Variants in PABIR2 observed in about 807,000 individuals in gnomAD.
PABIR2 encodes the protein PABIR family member 2, also known as family with sequence similarity 122B.
PABIR2 carries 7 observed loss-of-function variants against 22.8 expected under a neutral mutation model. That is an observed-to-expected ratio of 0.31 (90% CI 0.17 to 0.58). The LOEUF (loss-of-function observed/expected upper bound fraction) is 0.58. PABIR2 is among the 20% of genes least tolerant of loss of function. The probability of loss-of-function intolerance (pLI) is 0.89; values close to 1 mark genes in which losing one functional copy is unlikely to be tolerated. For missense variants in PABIR2, 155 were observed against 205.1 expected, an observed-to-expected ratio of 0.76 and a Z score of 1.49; for synonymous variants, 67 against 73.8, an observed-to-expected ratio of 0.91 and a Z score of 0.47.
chrX:134,791,750 G>A, intron 2 of PABIR2: 4 of 306,741 alleles, frequency 1.3e-5, no homozygotes, highest in South Asian at 8.8e-5. Flanking sequence ...TCTGCTCAAA[G>A]TAAAAAGTGG....
chrX:134,779,523 T>C (rs1294818448), intron 9 of PABIR2, among the ~76,000 whole-genome samples: 1 of 111,881 alleles, frequency 8.9e-6, no homozygotes, highest in Non-Finnish European at 1.9e-5. Context: ...AGGGGAGTAG[T>C]GACAAGGAAA....
Position 134,769,738 on chromosome X carries a change from T to C in PABIR2, c.*2401A>G, listed in dbSNP as rs1051532625. On this transcript the variant is annotated 3_prime_UTR_variant, in exon 10 of 10. Transcript: ENST00000343004. ...TAGGGTTGTATCATATCATCTCTTA[T>C]ACCTGTTTTCAAATAGAAGCCTGAA... 2.7e-5 allele frequency: 3 copies of C among 112,064 alleles called. No homozygotes were observed. The highest frequency in any genetic ancestry group is 6.5e-5 in the African/African-American group (2 of 30,777). 9.2% of individuals were successfully genotyped at this position (112,064 alleles called of 1,213,427 possible). A position where few individuals can be genotyped will look rare whatever the true frequency, so the allele number is the denominator to read the frequency against.
intron 9 of PABIR2, among the ~76,000 whole-genome samples, chrX:134,780,763 T>G (rs1210229890): frequency 8.9e-6 from 1 of 111,949 alleles, no homozygotes; most frequent in Non-Finnish European, 1.9e-5. Context: ...ACATGAGCAC[T>G]CAAGTGCTCA....
At position 134,769,592 on chromosome X, in the gene PABIR2, T is replaced by C. The variant is rs1043829634; in HGVS notation, c.*2547A>G. The C allele has an allele frequency of 8.9e-5, 10 of 112,052 alleles. No individual in the cohort carries two copies. Among genetic ancestry groups the C allele is most frequent in the Admixed American group, 3.8e-4 (4 of 10,519 alleles). 9.2% of individuals were successfully genotyped at this position (112,052 alleles called of 1,213,427 possible). On this transcript the variant is annotated 3_prime_UTR_variant, in exon 10 of 10. Transcript: ENST00000343004. ...AAATTTTATGCATGTATACACACTT[T>C]ATTAAATTTGCATTCTAAGATATAC... is the stretch of plus-strand genomic sequence containing the variant.
At position 134,772,018 on chromosome X, in the gene PABIR2, A is replaced by G; in HGVS notation, c.*121T>C. 9.5e-7 allele frequency: 1 copy of G among 1,051,769 alleles called. No individual in the cohort carries two copies. Among genetic ancestry groups the G allele is most frequent in the Non-Finnish European group, 1.2e-6 (1 of 813,765 alleles). 86.7% of individuals were successfully genotyped at this position (1,051,769 alleles called of 1,213,427 possible). The stretch of plus-strand genomic sequence containing the variant: ...AGAGATGCCAAAGAGTAATAATAGC[A>G]TCAGAATGTGTGAAATCTGTAAAAC... On this transcript the variant is annotated 3_prime_UTR_variant, in exon 10 of 10. Coordinates refer to ENST00000343004, the MANE Select transcript of PABIR2 (RefSeq NM_001387468.1).
chrX:134,778,103 G>A (rs1258418389), intron 9 of PABIR2, among the ~76,000 whole-genome samples: 6 of 103,591 alleles, frequency 5.8e-5, no homozygotes, highest in African/African-American at 2.1e-4. Context: ...ATGTTGTCCA[G>A]GCTGGTCTTG....
At chrX:134,774,874 C>T (rs772343784) in intron 9 of PABIR2, among the ~76,000 whole-genome samples, 10 of 112,020 alleles carry the variant, frequency 8.9e-5, no homozygotes, top group South Asian at 3.7e-4. Context: ...AGAGACTTCA[C>T]GTCACAAATC....
rs1400365468 is a variant in PABIR2 at position 134,796,864 on chromosome X, G to C, written c.-659C>G. ...GCTAGCACCGAGGACCTGACAGTCG[G>C]GTAGGACCCGGCCGGGCGGCCTTGG... On this transcript the variant is annotated 5_prime_UTR_variant, in exon 1 of 10. Coordinates refer to ENST00000343004, the MANE Select transcript of PABIR2 (RefSeq NM_001387468.1). 2.7e-5 allele frequency: 3 copies of C among 112,134 alleles called. No homozygotes were observed. Among genetic ancestry groups the C allele is most frequent in the Admixed American group, 1.9e-4 (2 of 10,791 alleles). 9.2% of individuals were successfully genotyped at this position (112,134 alleles called of 1,213,427 possible). A position where few individuals can be genotyped will look rare whatever the true frequency, so the allele number is the denominator to read the frequency against.
intron 8 of PABIR2, among the ~76,000 whole-genome samples, chrX:134,782,828 A>G (rs2079193712): frequency 8.9e-6 from 1 of 112,534 alleles, no homozygotes; most frequent in South Asian, 3.6e-4. Context: ...CCATGTTATC[A>G]ACTAATTCAT....
At chrX:134,791,553 G>A (rs2079548979) in intron 2 of PABIR2, 7 of 303,569 alleles carry the variant, frequency 2.3e-5, no homozygotes, top group Non-Finnish European at 4.4e-5. Flanking sequence ...AAGAGAGCCC[G>A]TGAGGAATAG....
At chrX:134,788,464 A>G (rs1429884712) in intron 6 of PABIR2, among the ~76,000 whole-genome samples, 7 of 93,039 alleles carry the variant, frequency 7.5e-5, no homozygotes, top group African/African-American at 2.3e-4. Context: ...TATGTTATAT[A>G]TGTGTTATAT....
rs367599936 is a variant in PABIR2 at position 134,777,824 on chromosome X, G to A, written c.659+3997C>T. On this transcript the variant is annotated intron_variant, in intron 9 of 9. Coordinates refer to ENST00000343004, the MANE Select transcript of PABIR2 (RefSeq NM_001387468.1). ...GCACTCCAGCCTGGGCAACAAAAGC[G>A]AGACTCCGTCTCAAATAAAGTTTCT... 5.5e-5 allele frequency among the ~76,000 whole-genome samples: 6 copies of A among 109,725 alleles called. No homozygotes were observed. The South Asian group carries it at 1.2e-3, about 21-fold the overall frequency.
In PABIR2 at chrX:134,772,211, G is replaced by A. The variant is rs774520213; in HGVS notation, c.732C>T (p.Thr244=). The change falls in exon 10 of 10, where the codon ACC becomes ACT. Residue 244 remains threonine, a synonymous_variant. Transcript: ENST00000343004. ...TGGAGCATGCTACTGGAGACTCTGC[G>A]GTAGCGCTGCCTTTAGCCAGCGGGT... is the stretch of plus-strand genomic sequence containing the variant. The part of the protein sequence containing the change: ...SSDPLAKGSA[T]AESPVACSNS... The A allele has an allele frequency of 2.3e-5, 28 of 1,207,089 alleles. No homozygotes were observed. Among genetic ancestry groups the A allele is most frequent in the Non-Finnish European group, 2.9e-5 (26 of 892,280 alleles).
In PABIR2 at chrX:134,788,816, C is replaced by G; in HGVS notation, c.349G>C (p.Asp117His). The G allele has an allele frequency of 8.3e-7, 1 of 1,206,505 alleles. No individual in the cohort carries two copies. The highest frequency in any genetic ancestry group is 1.1e-6 in the Non-Finnish European group (1 of 892,399). ...GGAGAATATAATTTCTCCGGCTTGT[C>G]AAAATCACTGTCACTCTGTAAACAT... ...ESLSLSDSDFDKPEKLYSPKR... is the reference protein window; with the variant it reads ...ESLSLSDSDFHKPEKLYSPKR... The change falls in exon 6 of 10, where the codon GAC becomes CAC. Residue 117 changes from aspartate to histidine, a missense_variant. Coordinates refer to ENST00000343004, the MANE Select transcript of PABIR2 (RefSeq NM_001387468.1).
chrX:134,789,334 G>A (rs1021679024), intron 3 of PABIR2, 68 bp from the exon 4 acceptor site: 20 of 1,147,379 alleles, frequency 1.7e-5, no homozygotes, highest in Non-Finnish European at 2.4e-5. Context: ...TCCACACACT[G>A]CAATTTTTAT....
Position 134,796,128 on chromosome X carries a change from A to G in PABIR2, c.78T>C (p.Ala26=), listed in dbSNP as rs1386044773. 8.3e-7 allele frequency: 1 copy of G among 1,210,230 alleles called. No individual in the cohort carries two copies. The highest frequency in any genetic ancestry group is 1.1e-6 in the Non-Finnish European group (1 of 894,964). ...YGGTLRRSSS[A]PLIHGLSDLS... ...CTCACCTGAGCCCATGGATTAGGGG[A>G]GCGCTGCTGGATCTCCTCAGGGTTC... is the stretch of plus-strand genomic sequence containing the variant. The change falls in exon 1 of 10, where the codon GCT becomes GCC. Residue 26 remains alanine, a synonymous_variant. Coordinates refer to ENST00000343004, the MANE Select transcript of PABIR2 (RefSeq NM_001387468.1).
At chrX:134,775,815 A>G (rs2078960849) in intron 9 of PABIR2, among the ~76,000 whole-genome samples, 2 of 111,306 alleles carry the variant, frequency 1.8e-5, no homozygotes, top group East Asian at 2.8e-4. Context: ...ACTATAGGGC[A>G]TCCCCACACC....
At chrX:134,781,047 C>T (rs1299666242) in intron 9 of PABIR2, among the ~76,000 whole-genome samples, 1 of 112,435 alleles carries the variant, frequency 8.9e-6, no homozygotes, top group East Asian at 2.8e-4. Flanking sequence ...AAAATGCAGG[C>T]AGAGCAGCTA....
At chrX:134,779,516 G>A (rs891619470) in intron 9 of PABIR2, among the ~76,000 whole-genome samples, 2 of 111,940 alleles carry the variant, frequency 1.8e-5, no homozygotes, top group Non-Finnish European at 3.8e-5. Context: ...ACAGGGTAGG[G>A]GAGTAGTGAC....
Sources: gnomAD v4.1 joint callset for allele counts (sites outside exome capture counted in the v4.1 genomes callset) on GRCh38, gnomAD v4.1.1 for gene constraint, MANE v1.5 for transcripts, NCBI Gene and HGNC (gene_info 2026-07-23, HGNC 2026-07-21) for gene names.